TEAD1: variants seen among roughly 807,000 people sequenced by gnomAD.
TEAD1 encodes transcriptional enhancer factor TEF-1.
In TEAD1, 9 loss-of-function variants were observed where a neutral mutation model predicts 54.9. The observed-to-expected ratio is 0.16, with a 90% CI of 0.10 to 0.29. The LOEUF (loss-of-function observed/expected upper bound fraction) is 0.29. Ranked by LOEUF, TEAD1 falls within the 10% of genes least tolerant of loss-of-function variation. The probability of loss-of-function intolerance (pLI) is 1.00; values close to 1 mark genes in which losing one functional copy is unlikely to be tolerated. For missense variants in TEAD1, 387 were observed against 535.9 expected, an observed-to-expected ratio of 0.72 and a Z score of 2.74; for synonymous variants, 200 against 187.8, an observed-to-expected ratio of 1.07 and a Z score of -0.53.
intron 12 of TEAD1, among the ~76,000 whole-genome samples, chr11:12,933,922 T>A (rs1949054503): frequency 6.6e-6 from 1 of 152,196 alleles, no homozygotes; most frequent in Admixed American, 6.5e-5. Flanking sequence ...ATAGGAACAC[T>A]TTTACACTGT....
chr11:12,755,752 A>C (rs975718166), intron 2 of TEAD1, among the ~76,000 whole-genome samples: 2 of 152,198 alleles, frequency 1.3e-5, no homozygotes, highest in Non-Finnish European at 2.9e-5. Context: ...CACTTTGGGC[A>C]TGCACTGTCT....
intron 2 of TEAD1, among the ~76,000 whole-genome samples, chr11:12,705,777 T>C (rs1210078978): frequency 6.6e-6 from 1 of 152,248 alleles, no homozygotes; most frequent in Non-Finnish European, 1.5e-5. Context: ...TTTTTACTTT[T>C]ATGAGTTATT....
At chr11:12,847,101 C>T (rs532068792) in intron 3 of TEAD1, among the ~76,000 whole-genome samples, 5 of 152,320 alleles carry the variant, frequency 3.3e-5, no homozygotes, top group Admixed American at 6.5e-5. Context: ...TGCGGCTTCC[C>T]CCTCCCTTTC....
intron 5 of TEAD1, among the ~76,000 whole-genome samples, chr11:12,878,671 C>T (rs1322246743): frequency 6.6e-6 from 1 of 152,040 alleles, no homozygotes; most frequent in Non-Finnish European, 1.5e-5. Flanking sequence ...CCTTCTCAAT[C>T]ATTGCCTTTC....
In TEAD1 at chr11:12,751,840, CT is replaced by C. The variant is rs1564928131; in HGVS notation, c.-54-12337del. 3.9e-5 allele frequency among the ~76,000 whole-genome samples: 6 copies of C among 152,148 alleles called. No homozygotes were observed. The South Asian group carries it at 1.0e-3, about 26-fold the overall frequency. On this transcript the variant is annotated intron_variant, in intron 2 of 12. Coordinates refer to ENST00000527636, the MANE Select transcript of TEAD1 (RefSeq NM_021961.6). The stretch of plus-strand genomic sequence containing the variant: ...ATGTGGACTTAGGAATGAAACCAAA[CT>C]TGCCGACCAAAACCACCTCTGAGCA...
intron 9 of TEAD1, among the ~76,000 whole-genome samples, chr11:12,884,380 T>C (rs532036319): frequency 6.6e-6 from 1 of 152,308 alleles, no homozygotes; most frequent in East Asian, 1.9e-4. Flanking sequence ...CCTTCCCATC[T>C]CATAAGTCCC....
chr11:12,864,598 A>G (rs1947576317), intron 4 of TEAD1: 9 of 839,196 alleles, frequency 1.1e-5, no homozygotes, highest in Non-Finnish European at 1.5e-5. Flanking sequence ...AAGAGTAGCG[A>G]TTTTATATTT....
intron 9 of TEAD1, among the ~76,000 whole-genome samples, chr11:12,893,994 G>A (rs1948254927): frequency 6.6e-6 from 1 of 152,176 alleles, no homozygotes. Flanking sequence ...ACCGCAGGCT[G>A]CCCAGCCTGC....
intron 2 of TEAD1, among the ~76,000 whole-genome samples, chr11:12,682,702 G>A (rs1471772194): frequency 1.3e-5 from 2 of 152,108 alleles, no homozygotes; most frequent in South Asian, 2.1e-4. Context: ...ACATTTATGG[G>A]TGCTACTGTG....
intron 1 of TEAD1, among the ~76,000 whole-genome samples, chr11:12,675,064 CCG>C (rs2133801565): frequency 6.8e-6 from 1 of 146,514 alleles, no homozygotes; most frequent in African/African-American, 2.5e-5. Context: ...CCAAGTTGGG[CCG>C]CGCGCTGGGA....
In TEAD1 at chr11:12,698,326, A is replaced by G. The variant is rs568811582; in HGVS notation, c.-55+22765A>G. On this transcript the variant is annotated intron_variant, in intron 2 of 12. Coordinates refer to ENST00000527636, the MANE Select transcript of TEAD1 (RefSeq NM_021961.6). ...TTTGGTGGGAGGATTATGTGTTAGG[A>G]CAAGGCTAGGGGAAAGGTGAAGTGG... Among the ~76,000 whole-genome samples, 25 of 152,010 alleles carry G rather than the reference A, an allele frequency of 1.6e-4. No homozygotes were observed. In the South Asian group the frequency reaches 2.5e-3, roughly 15 times the overall value.
Position 12,926,861 on chromosome 11 carries a change from G to A in TEAD1, c.1014+1809G>A, listed in dbSNP as rs1315412119. Among the ~76,000 whole-genome samples, 3 of 152,226 alleles carry A rather than the reference G, an allele frequency of 2.0e-5. 1 individual carries two copies. The highest frequency in any genetic ancestry group is 1.3e-4 in the Admixed American group (2 of 15,300). Reference sequence around the variant, plus strand: ...CTGTATCATGAAACATGGCTGGGACGCCTGGAACCAGATGACCTCCTCGCC... The same window carrying A: ...CTGTATCATGAAACATGGCTGGGACACCTGGAACCAGATGACCTCCTCGCC... On this transcript the variant is annotated intron_variant, in intron 11 of 12. Coordinates refer to ENST00000527636, the MANE Select transcript of TEAD1 (RefSeq NM_021961.6).
At chr11:12,859,276 T>C (rs981370960) in intron 3 of TEAD1, among the ~76,000 whole-genome samples, 4 of 152,264 alleles carry the variant, frequency 2.6e-5, no homozygotes, top group Admixed American at 6.5e-5. Context: ...CAAGGTATTC[T>C]GTCTGTTTTC....
intron 2 of TEAD1, among the ~76,000 whole-genome samples, chr11:12,708,189 C>T (rs2133847836): frequency 6.6e-6 from 1 of 151,962 alleles, no homozygotes; most frequent in South Asian, 2.1e-4. Context: ...TCTCTATATA[C>T]TGCTGGGAGA....
intron 3 of TEAD1, among the ~76,000 whole-genome samples, chr11:12,793,286 G>T (rs182716483): frequency 1.8e-3 from 271 of 152,136 alleles, no homozygotes; most frequent in African/African-American, 6.1e-3. Flanking sequence ...CACAGTTAAA[G>T]GATAGATATT....
intron 3 of TEAD1, among the ~76,000 whole-genome samples, chr11:12,840,309 G>A (rs1036294135): frequency 3.2e-4 from 48 of 151,238 alleles, no homozygotes; most frequent in Middle Eastern, 3.5e-3. Flanking sequence ...CAAGAAGGGT[G>A]GAAGGTGGAT....
In TEAD1 at chr11:12,879,765, A is replaced by G; in HGVS notation, c.388A>G (p.Ile130Val). The G allele has an allele frequency of 6.2e-7, 1 of 1,614,192 alleles. No individual in the cohort carries two copies. The highest frequency in any genetic ancestry group is 8.5e-7 in the Non-Finnish European group (1 of 1,180,050). ...CATGGCGGCCATGTCCTCAGCCCAG[A>G]TCGTCTCGGCCACTGCCATTCATAA... Residue 130 changes from isoleucine (I) to valine (V), a missense_variant, in exon 6 of 13, where the codon ATC becomes GTC. This residue lies in a region of TEAD1 where 180 missense variants were observed against 180.6 expected (regional missense o/e 1.00). Transcript: ENST00000527636.
chr11:12,766,083 A>G (rs1945202246), intron 3 of TEAD1, among the ~76,000 whole-genome samples: 1 of 152,212 alleles, frequency 6.6e-6, no homozygotes, highest in African/African-American at 2.4e-5. Flanking sequence ...GCTTACCCAA[A>G]AATGGTTTCA....
At chr11:12,712,825 G>T (rs1352791948) in intron 2 of TEAD1, among the ~76,000 whole-genome samples, 1 of 152,144 alleles carries the variant, frequency 6.6e-6, no homozygotes, top group African/African-American at 2.4e-5. Flanking sequence ...ATTGAGAGGG[G>T]AGCCTGTGGG....
Sources: allele counts gnomAD v4.1 joint callset (sites outside exome capture counted in the v4.1 genomes callset), GRCh38; gene constraint gnomAD v4.1.1; regional missense constraint gnomAD v4.1.1; transcripts MANE v1.5; gene names NCBI Gene and HGNC (gene_info 2026-07-23, HGNC 2026-07-21).